Variants in UNC5D observed in about 807,000 individuals in gnomAD.
UNC5D encodes netrin receptor UNC5D.
Under a neutral mutation model 105.4 loss-of-function variants are expected in UNC5D, and 39 were observed. The observed-to-expected ratio is 0.37, with a 90% CI of 0.29 to 0.48. UNC5D has a LOEUF of 0.48. Ranked by LOEUF, UNC5D falls within the 20% of genes least tolerant of loss-of-function variation. The pLI is 0.98. For missense variants in UNC5D, 991 were observed against 1,202.4 expected (o/e 0.82, Z 2.60); for synonymous variants, 452 against 450.4 (o/e 1.00, Z -0.04).
chr8:35,406,902 G>A (rs761696337), intron 1 of UNC5D, among the ~76,000 whole-genome samples: 21 of 152,030 alleles, frequency 1.4e-4, no homozygotes, highest in Non-Finnish European at 2.2e-4. Flanking sequence ...TATGATGCAC[G>A]TATAGATGGT....
At chr8:35,327,381 C>G (rs1486957792) in intron 1 of UNC5D, among the ~76,000 whole-genome samples, 1 of 152,168 alleles carries the variant, frequency 6.6e-6, no homozygotes, top group Non-Finnish European at 1.5e-5. Flanking sequence ...TTTGTTGACC[C>G]ATCTCATGCC....
At chr8:35,499,402 A>C (rs749319834) in intron 1 of UNC5D, among the ~76,000 whole-genome samples, 4 of 152,164 alleles carry the variant, frequency 2.6e-5, no homozygotes, top group Non-Finnish European at 5.9e-5. Flanking sequence ...TCTTTGATTC[A>C]TCATAACTTA....
At chr8:35,245,003 C>A (rs1803002798) in intron 1 of UNC5D, among the ~76,000 whole-genome samples, 1 of 151,972 alleles carries the variant, frequency 6.6e-6, no homozygotes, top group African/African-American at 2.4e-5. Flanking sequence ...AGAGCAAGAC[C>A]CTGTCCCTCC....
chr8:35,610,755 T>G (rs1820617870), intron 4 of UNC5D, among the ~76,000 whole-genome samples: 2 of 152,134 alleles, frequency 1.3e-5, no homozygotes, highest in Non-Finnish European at 1.5e-5. Context: ...GGCCCCAAAT[T>G]TACTCTGACA....
chr8:35,467,589 A>AAGAAG (rs138123014), intron 1 of UNC5D, among the ~76,000 whole-genome samples: 3 of 126,250 alleles, frequency 2.4e-5, no homozygotes, highest in South Asian at 2.5e-4. Flanking sequence ...AAAAAAAAAA[A>AAGAAG]AAGAAGAAAA....
At chr8:35,595,726 C>G in intron 4 of UNC5D, 69 bp downstream of exon 4, 3 of 1,412,496 alleles carry the variant, frequency 2.1e-6, no homozygotes, top group Non-Finnish European at 3.0e-6. Flanking sequence ...GGGCGGAGTC[C>G]TGTGTGGCTG....
chr8:35,544,099 T>C (rs1815468247), intron 1 of UNC5D, among the ~76,000 whole-genome samples: 1 of 152,196 alleles, frequency 6.6e-6, no homozygotes, highest in Non-Finnish European at 1.5e-5. Context: ...TCTCCTCAGA[T>C]GCACAGTGAC....
chr8:35,417,178 T>C lies in UNC5D; in HGVS notation c.104-132114T>C, dbSNP rs1380968663. ...TCAAATACTAAGTCTTATTTATTCA[T>C]TTTCACTATCATTTTTGTGCCTATT... On this transcript the variant is annotated intron_variant, in intron 1 of 16. Transcript: ENST00000404895. 2.6e-5 allele frequency among the ~76,000 whole-genome samples: 4 copies of C among 152,300 alleles called. No homozygotes were observed. The East Asian group carries it at 7.7e-4, about 29-fold the overall frequency.
chr8:35,745,269 A>C (rs1829945370), intron 11 of UNC5D, among the ~76,000 whole-genome samples: 2 of 152,154 alleles, frequency 1.3e-5, no homozygotes, highest in African/African-American at 2.4e-5. Context: ...TTAAGCAAGA[A>C]CCTGACAGGC....
rs867291764 is a variant in UNC5D, at chr8:35,607,662, T to C, written c.570+12005T>C. On this transcript the variant is annotated intron_variant, in intron 4 of 16. Coordinates refer to ENST00000404895, the MANE Select transcript of UNC5D (RefSeq NM_080872.4). ...GTGAGTGAGTTCTCACGATATTTAA[T>C]AGTTTTATAAGGGGCTTTTTTCCTC... is the stretch of plus-strand genomic sequence containing the variant. 2.0e-5 allele frequency among the ~76,000 whole-genome samples: 3 copies of C among 152,288 alleles called. 1 individual carries two copies. Among genetic ancestry groups the C allele is most frequent in the Middle Eastern group, 3.4e-3 (1 of 294 alleles).
intron 1 of UNC5D, among the ~76,000 whole-genome samples, chr8:35,438,674 T>C (rs982889928): frequency 1.3e-5 from 2 of 151,980 alleles, no homozygotes; most frequent in African/African-American, 4.8e-5. Flanking sequence ...GATTCTGGCC[T>C]TCGCATAAAT....
At chr8:35,630,617 A>C (rs1258218823) in intron 4 of UNC5D, among the ~76,000 whole-genome samples, 1 of 151,972 alleles carries the variant, frequency 6.6e-6, no homozygotes, top group Non-Finnish European at 1.5e-5. Flanking sequence ...GTCTTGGGTA[A>C]ATTTCCATGA....
At chr8:35,539,265 T>C (rs1422368316) in intron 1 of UNC5D, among the ~76,000 whole-genome samples, 1 of 152,150 alleles carries the variant, frequency 6.6e-6, no homozygotes, top group East Asian at 1.9e-4. Flanking sequence ...GGTAGGAATA[T>C]TTTTAACATG....
chr8:35,413,032 G>A (rs1805276188), intron 1 of UNC5D, among the ~76,000 whole-genome samples: 1 of 152,070 alleles, frequency 6.6e-6, no homozygotes, highest in Admixed American at 6.6e-5. Flanking sequence ...TGTCAATTCA[G>A]TTTCTTGTTT....
chr8:35,663,432 T>C (rs1332511249), intron 4 of UNC5D, among the ~76,000 whole-genome samples: 1 of 152,200 alleles, frequency 6.6e-6, no homozygotes, highest in African/African-American at 2.4e-5. Context: ...CAATAGCAAC[T>C]GTGGGATTTG....
chr8:35,603,144 T>C (rs1358021046), intron 4 of UNC5D, among the ~76,000 whole-genome samples: 2 of 152,146 alleles, frequency 1.3e-5, no homozygotes, highest in African/African-American at 2.4e-5. Context: ...TGTTAGCGTG[T>C]CAATTTTAGA....
At chr8:35,573,184 C>A (rs1817866963) in intron 3 of UNC5D, among the ~76,000 whole-genome samples, 1 of 152,178 alleles carries the variant, frequency 6.6e-6, no homozygotes, top group Non-Finnish European at 1.5e-5. Context: ...AGTAACAAGA[C>A]CCTAGAATAT....
intron 4 of UNC5D, among the ~76,000 whole-genome samples, chr8:35,651,561 A>T (rs1184579408): frequency 6.6e-6 from 1 of 152,144 alleles, no homozygotes; most frequent in Non-Finnish European, 1.5e-5. Context: ...AGAATAAGAA[A>T]ATTCACAAAA....
chr8:35,400,901 G>A (rs1343085742), intron 1 of UNC5D, among the ~76,000 whole-genome samples: 1 of 152,136 alleles, frequency 6.6e-6, no homozygotes, highest in African/African-American at 2.4e-5. Flanking sequence ...GTACAGTGGA[G>A]GGGGCATGTA....
Sources: gnomAD v4.1 joint callset for allele counts (sites outside exome capture counted in the v4.1 genomes callset) on GRCh38, gnomAD v4.1.1 for gene constraint, MANE v1.5 for transcripts, NCBI Gene and HGNC (gene_info 2026-07-23, HGNC 2026-07-21) for gene names.